The following GREB1L variants were observed in gnomAD, a reference collection of about 807,000 sequenced individuals.
GREB1L encodes GREB1 like retinoic acid receptor coactivator.
In GREB1L, 17 loss-of-function variants were observed where a neutral mutation model predicts 200.8. The ratio of observed to expected loss-of-function variants is 0.08; its 90% CI spans 0.06 to 0.13. The LOEUF is 0.13. Ranked by LOEUF, GREB1L falls within the 10% of genes least tolerant of loss-of-function variation. The pLI, the probability that GREB1L is intolerant of heterozygous loss-of-function variation, is 1.00. For synonymous variants in GREB1L, 789 were observed against 893.0 expected (o/e 0.88, Z 2.08); for missense variants, 1,657 against 2,367.7 (o/e 0.70, Z 6.23).
intron 1 of GREB1L, among the ~76,000 whole-genome samples, chr18:21,323,864 T>G (rs2038985663): frequency 6.6e-6 from 1 of 152,202 alleles, no homozygotes; most frequent in Non-Finnish European, 1.5e-5. Flanking sequence ...ATAATTTCTG[T>G]GGACAGTAAT....
At chr18:21,514,958 C>T (rs1283582367) in intron 28 of GREB1L, among the ~76,000 whole-genome samples, 1 of 152,214 alleles carries the variant, frequency 6.6e-6, no homozygotes, top group African/African-American at 2.4e-5. Flanking sequence ...AATTCAATAG[C>T]ACTCCCATTG....
chr18:21,342,047 C>G (rs1281109413), intron 1 of GREB1L, among the ~76,000 whole-genome samples: 2 of 152,050 alleles, frequency 1.3e-5, no homozygotes, highest in Non-Finnish European at 2.9e-5. Flanking sequence ...TATTAAACCT[C>G]AATTTTGGCT....
intron 1 of GREB1L, among the ~76,000 whole-genome samples, chr18:21,274,852 A>T (rs990102911): frequency 1.3e-5 from 2 of 152,080 alleles, no homozygotes; most frequent in Non-Finnish European, 2.9e-5. Flanking sequence ...GCGCTACTGC[A>T]CTCCAGCCTG....
intron 4 of GREB1L, among the ~76,000 whole-genome samples, chr18:21,390,580 A>G (rs1178496260): frequency 6.6e-6 from 1 of 152,150 alleles, no homozygotes; most frequent in South Asian, 2.1e-4. Context: ...CGCTGTCACC[A>G]GGTTGGAGTG....
At chr18:21,256,250 T>G (rs1438547504) in intron 1 of GREB1L, among the ~76,000 whole-genome samples, 1 of 152,230 alleles carries the variant, frequency 6.6e-6, no homozygotes, top group African/African-American at 2.4e-5. Flanking sequence ...TTCTCCAGAT[T>G]AACTAGAGAA....
intron 1 of GREB1L, among the ~76,000 whole-genome samples, chr18:21,323,605 CATAGT>C (rs1213386915): frequency 6.6e-6 from 1 of 152,076 alleles, no homozygotes; most frequent in East Asian, 1.9e-4. Context: ...CTAAGATGGG[CATAGT>C]ACCTGTGGCT....
rs1329144969 is a variant in GREB1L at position 21,449,794 on chromosome 18, G to A, written c.1678G>A (p.Ala560Thr). The change falls in exon 12 of 33, where the codon GCA (alanine) becomes ACA (threonine). Residue 560 changes from alanine (A) to threonine (T), a missense_variant. Physicochemically the swap from Ala to Thr is moderately conservative, Grantham distance 58. Around this residue, in one of 9 missense-constraint regions of GREB1L, gnomAD observed 239 missense variants for 421.8 expected, o/e 0.57. Coordinates refer to ENST00000424526, the MANE Select transcript of GREB1L (RefSeq NM_001142966.3). ...RLPDYVVVICASKIRGNEFCV... is the reference protein window; with the variant it reads ...RLPDYVVVICTSKIRGNEFCV... ...GCCAGATTATGTGGTGGTAATTTGT[G>A]CATCGAAAATCAGAGGAAATGAATT... The A allele has an allele frequency of 3.2e-6, 5 of 1,543,824 alleles. No individual in the cohort carries two copies. In the African/African-American group the frequency reaches 4.1e-5, roughly 13 times the overall value.
chr18:21,465,187 A>G (rs2035218781), intron 15 of GREB1L, among the ~76,000 whole-genome samples: 2 of 152,184 alleles, frequency 1.3e-5, no homozygotes, highest in African/African-American at 4.8e-5. Flanking sequence ...CATGTTGTAC[A>G]ATCAATTCCC....
At chr18:21,518,268 A>C (rs745445389) in intron 31 of GREB1L, 34 bp downstream of exon 31, 3 of 1,522,260 alleles carry the variant, frequency 2.0e-6, no homozygotes, top group Non-Finnish European at 2.7e-6. Context: ...GTGCTTACCT[A>C]CATCCATCCA....
intron 1 of GREB1L, among the ~76,000 whole-genome samples, chr18:21,333,819 A>C (rs1175565955): frequency 2.6e-5 from 4 of 151,978 alleles, no homozygotes; most frequent in Non-Finnish European, 5.9e-5. Context: ...CCATCTCTAC[A>C]AAAAATTTAA....
At chr18:21,468,183 C>A (rs2035341247) in intron 15 of GREB1L, among the ~76,000 whole-genome samples, 1 of 152,024 alleles carries the variant, frequency 6.6e-6, no homozygotes, top group Non-Finnish European at 1.5e-5. Context: ...GTGGTATATC[C>A]ATACAATGGA....
chr18:21,308,895 T>C (rs1476799975), intron 1 of GREB1L, among the ~76,000 whole-genome samples: 1 of 152,222 alleles, frequency 6.6e-6, no homozygotes, highest in East Asian at 1.9e-4. Context: ...TCCTGTTCTA[T>C]TCTAGCCTCC....
intron 7 of GREB1L, among the ~76,000 whole-genome samples, chr18:21,415,033 C>A (rs1295247790): frequency 3.3e-5 from 5 of 152,044 alleles, no homozygotes; most frequent in Admixed American, 2.6e-4. Context: ...CAGCAGACTC[C>A]TTAAGTCAAG....
chr18:21,349,192 G>A (rs2039397907), intron 1 of GREB1L, among the ~76,000 whole-genome samples: 1 of 151,906 alleles, frequency 6.6e-6, no homozygotes, highest in Admixed American at 6.6e-5. Context: ...CACTTCCAAA[G>A]TTACCTTTTA....
chr18:21,331,726 A>G (rs905430005), intron 1 of GREB1L, among the ~76,000 whole-genome samples: 1 of 152,236 alleles, frequency 6.6e-6, no homozygotes, highest in Non-Finnish European at 1.5e-5. Flanking sequence ...GTGATAACTT[A>G]TTACAAACCA....
intron 7 of GREB1L, among the ~76,000 whole-genome samples, chr18:21,439,260 A>C (rs2033755591): frequency 6.6e-6 from 1 of 152,162 alleles, no homozygotes; most frequent in Non-Finnish European, 1.5e-5. Flanking sequence ...CCTTCCTCCC[A>C]CCCATCATCT....
At chr18:21,418,892 G>A (rs1244800104) in intron 7 of GREB1L, among the ~76,000 whole-genome samples, 3 of 152,126 alleles carry the variant, frequency 2.0e-5, no homozygotes, top group Non-Finnish European at 2.9e-5. Flanking sequence ...TTTAAAAAAG[G>A]AAGTACAGTC....
In GREB1L at chr18:21,441,430, C is replaced by T; in HGVS notation, c.1100C>T (p.Thr367Ile). 6.4e-7 allele frequency: 1 copy of T among 1,550,758 alleles called. No individual in the cohort carries two copies. Among genetic ancestry groups the T allele is most frequent in the Non-Finnish European group, 8.7e-7 (1 of 1,146,642 alleles). ...CTTTTATCTGCCCCAGTTCCACAGACCCCACTAACTGGAATTTTACAACCC... is the reference window on the plus strand; with the variant it reads ...CTTTTATCTGCCCCAGTTCCACAGATCCCACTAACTGGAATTTTACAACCC... ...EPLLSAPVPQTPLTGILQPRP... is the reference protein window; with the variant it reads ...EPLLSAPVPQIPLTGILQPRP... The change falls in exon 10 of 33, where the codon ACC becomes ATC. Residue 367 changes from threonine to isoleucine, a missense_variant. Thr to Ile is a moderately conservative substitution (Grantham distance 89, BLOSUM62 -1). Around this residue, in one of 9 missense-constraint regions of GREB1L, gnomAD observed 289 missense variants for 345.1 expected, o/e 0.84. Coordinates refer to ENST00000424526, the MANE Select transcript of GREB1L (RefSeq NM_001142966.3).
intron 1 of GREB1L, among the ~76,000 whole-genome samples, chr18:21,340,111 T>C (rs1215200347): frequency 1.3e-5 from 2 of 152,170 alleles, no homozygotes; most frequent in African/African-American, 4.8e-5. Flanking sequence ...CAACCCCTCA[T>C]TGCAGCACAA....
Sources: allele counts gnomAD v4.1 joint callset (sites outside exome capture counted in the v4.1 genomes callset), GRCh38; gene constraint gnomAD v4.1.1; regional missense constraint gnomAD v4.1.1; transcripts MANE v1.5; gene names NCBI Gene and HGNC (gene_info 2026-07-23, HGNC 2026-07-21).